Variants in SLC12A5 observed in about 807,000 individuals in gnomAD.
SLC12A5 encodes the protein solute carrier family 12 member 5.
In SLC12A5, 18 loss-of-function variants were observed where a neutral mutation model predicts 124.0. That is an observed-to-expected ratio of 0.15 (90% confidence interval 0.10 to 0.22). The LOEUF is 0.22. SLC12A5 is among the 10% of genes least tolerant of loss of function. The pLI is 1.00. For synonymous variants in SLC12A5, 589 were observed against 568.0 expected, an observed-to-expected ratio of 1.04 and a Z score of -0.53; for missense variants, 867 against 1,478.7, an observed-to-expected ratio of 0.59 and a Z score of 6.78.
Position 46,045,857 on chromosome 20 carries a change from T to C in SLC12A5, c.1570-21T>C. On this transcript the variant is annotated intron_variant, in intron 12 of 25. Coordinates refer to ENST00000243964, the MANE Select transcript of SLC12A5 (RefSeq NM_020708.5). This position sits in a 1 kb window ranked among gnomAD's most constrained non-coding sequence, Gnocchi z 4.9. Reference sequence around the variant, plus strand: ...AGAAATCCTTGAGGTCTCAGTCCCATGATGATTGCTCTTTCCCCAGGTCTT... The same window carrying C: ...AGAAATCCTTGAGGTCTCAGTCCCACGATGATTGCTCTTTCCCCAGGTCTT... The C allele has an allele frequency of 1.2e-6, 2 of 1,606,488 alleles. No individual in the cohort carries two copies. The highest frequency in any genetic ancestry group is 1.7e-6 in the Non-Finnish European group (2 of 1,173,204).
At chr20:46,021,856 C>T (rs898175195) in exon 1 of SLC12A5, 1 of 1,531,568 alleles carries the variant, frequency 6.5e-7, no homozygotes, top group African/African-American at 1.4e-5. Context: ...GGTCGCAGAC[C>T]CCCGCCACCT....
In SLC12A5 at chr20:46,045,147, G is replaced by T; in HGVS notation, c.1569+7G>T. The T allele has an allele frequency of 1.9e-6, 3 of 1,561,772 alleles. No individual in the cohort carries two copies. The highest frequency in any genetic ancestry group is 2.6e-6 in the Non-Finnish European group (3 of 1,155,702). On this transcript the variant is annotated splice_region_variant and intron_variant, in intron 12 of 25. Transcript: ENST00000243964. This position sits in a 1 kb window ranked among gnomAD's most constrained non-coding sequence, Gnocchi z 4.9. ...CATTGTGCCCTTCCTGCAGGTCAGT[G>T]TGGGAGAAGAACAGCCCACCCTCAG...
At chr20:46,033,950 A>AT (rs59189055) in intron 1 of SLC12A5, among the ~76,000 whole-genome samples, 2,130 of 149,228 alleles carry the variant, frequency 0.014, 46 homozygotes, top group African/African-American at 0.048. Context: ...TATTCATGGT[A>AT]TTTTTTTTTT....
At position 46,044,968 on chromosome 20, in the gene SLC12A5, T is replaced by C; in HGVS notation, c.1397T>C (p.Phe466Ser). ...CIEGVVLRDK[F>S]GEAVNGNLVV... ...ATCTCCTGTCCACATCATTCCAGGT[T>C]TGGCGAAGCTGTGAATGGCAACCTC... is the stretch of plus-strand genomic sequence containing the variant. The change falls in exon 12 of 26, where the codon TTT (phenylalanine) becomes TCT (serine). Residue 466 changes from phenylalanine (F) to serine (S), a missense_variant and splice_region_variant. Around this residue, in one of 9 missense-constraint regions of SLC12A5, gnomAD observed 152 missense variants for 358.7 expected, o/e 0.42. Coordinates refer to ENST00000243964, the MANE Select transcript of SLC12A5 (RefSeq NM_020708.5). 1.9e-6 allele frequency: 3 copies of C among 1,614,184 alleles called. No homozygotes were observed. Among genetic ancestry groups the C allele is most frequent in the Non-Finnish European group, 2.5e-6 (3 of 1,180,020 alleles).
intron 7 of SLC12A5, chr20:46,041,117 T>C (rs928251684): frequency 6.4e-5 from 33 of 515,994 alleles, no homozygotes; most frequent in Non-Finnish European, 1.0e-4. Flanking sequence ...ACTAATGCGG[T>C]GCTTCTCCAC....
In SLC12A5 at chr20:46,022,735, C is replaced by G. The variant is rs78823072; in HGVS notation, c.49-195C>G. On this transcript the variant is annotated intron_variant, in intron 1 of 2. Transcript: ENST00000413737. ...GTTGGGGGCGTCTTCCTCGCGGGCCCTGTGCAGGGTCTTGTAATGGAAGTT... is the reference window on the plus strand; with the variant it reads ...GTTGGGGGCGTCTTCCTCGCGGGCCGTGTGCAGGGTCTTGTAATGGAAGTT... 1,673 of 398,430 alleles carry G rather than the reference C, an allele frequency of 4.2e-3. 11 individuals are homozygous for G. The highest frequency in any genetic ancestry group is 4.4e-3 in the Middle Eastern group (7 of 1,588). The allele number at this position is 398,430 out of a possible 1,614,324, so 24.7% of individuals were successfully genotyped here. A position where few individuals can be genotyped will look rare whatever the true frequency, so the allele number is the denominator to read the frequency against.
intron 9 of SLC12A5, 131 bp downstream of exon 9, chr20:46,043,454 T>G: frequency 2.3e-6 from 3 of 1,294,938 alleles, no homozygotes; most frequent in Non-Finnish European, 3.2e-6. Flanking sequence ...CACTTCCCAT[T>G]GGAGAGATGA....
chr20:46,049,899 C>A, intron 17 of SLC12A5, 109 bp downstream of exon 17: 1 of 1,314,754 alleles, frequency 7.6e-7, no homozygotes, highest in Non-Finnish European at 1.0e-6. Flanking sequence ...AAAGGAAGTG[C>A]AGGCATTTCT....
chr20:46,033,314 C>T (rs1380021863), intron 1 of SLC12A5, among the ~76,000 whole-genome samples: 1 of 152,082 alleles, frequency 6.6e-6, no homozygotes, highest in African/African-American at 2.4e-5. Flanking sequence ...GGAATTTGAT[C>T]AGCGGGGAGT....
chr20:46,022,969 G>C (rs1315755285), exon 2 of SLC12A5: 2 of 378,822 alleles, frequency 5.3e-6, no homozygotes, highest in Non-Finnish European at 9.1e-6. Flanking sequence ...GGAGGAGGAG[G>C]AGGAGGAAGA....
In SLC12A5 at chr20:46,057,166, G is replaced by GC. The variant is rs767708918; in HGVS notation, c.3126-3dup. The stretch of plus-strand genomic sequence containing the variant: ...GCGGTCTCCACTCCTCCTTCCTGCC[G>GC]CAGGAACCAGTCCAACGTGCGGCGC... On this transcript the variant is annotated splice_polypyrimidine_tract_variant and splice_region_variant and intron_variant, in intron 24 of 25. Coordinates refer to ENST00000243964, the MANE Select transcript of SLC12A5 (RefSeq NM_020708.5). This position sits in a 1 kb window ranked among gnomAD's most constrained non-coding sequence, Gnocchi z 7.1. 7.0e-5 allele frequency: 113 copies of GC among 1,613,988 alleles called. 1 individual carries two copies. In the African/African-American group the frequency reaches 1.3e-3, roughly 19 times the overall value.
upstream of SLC12A5, among the ~76,000 whole-genome samples, chr20:46,025,487 C>T (rs1003218360): frequency 1.3e-5 from 2 of 152,166 alleles, no homozygotes; most frequent in African/African-American, 4.8e-5. Flanking sequence ...CCTCCTCTCC[C>T]CTCCCCTTTT....
At chr20:46,047,245 G>A (rs1189211321) in intron 14 of SLC12A5, among the ~76,000 whole-genome samples, 1 of 152,178 alleles carries the variant, frequency 6.6e-6, no homozygotes, top group African/African-American at 2.4e-5. Context: ...AGGGCATTGG[G>A]TAGTGCCCTG....
chr20:46,032,597 C>T (rs560514057), intron 1 of SLC12A5, among the ~76,000 whole-genome samples: 17 of 152,342 alleles, frequency 1.1e-4, no homozygotes, highest in African/African-American at 4.1e-4. Flanking sequence ...ATGAGTTAAG[C>T]TTGGTTAGTA....
intron 6 of SLC12A5, among the ~76,000 whole-genome samples, chr20:46,038,583 C>T (rs182182117): frequency 1.3e-5 from 2 of 152,196 alleles, no homozygotes; most frequent in East Asian, 3.9e-4. Context: ...ACTTCCAGAG[C>T]CTTACACAAG....
rs1472803142 is a variant in SLC12A5, at chr20:46,037,328, C to T, written c.555C>T (p.Tyr185=). 1.9e-6 allele frequency: 3 copies of T among 1,613,476 alleles called. No homozygotes were observed. Among genetic ancestry groups the T allele is most frequent in the Non-Finnish European group, 2.5e-6 (3 of 1,179,668 alleles). The change falls in exon 6 of 26, where the codon TAC becomes TAT. Residue 185 remains tyrosine (Y), a synonymous_variant. Transcript: ENST00000243964. ...GGGGTGCCGTGGGCCTCTGCTTCTA[C>T]CTGGGCACTACCTTTGCAGGAGCCA... ...EFGGAVGLCF[Y]LGTTFAGAMY...
chr20:46,049,748 C>A lies in SLC12A5; in HGVS notation c.2139C>A (p.Gly713=). ...GLTIVGSVLE[G]TFLENHPQAQ... ...CCATCGTGGGCTCTGTCCTTGAGGGCACCTTTCTGGAAAATCATCCACAGG... is the reference window on the plus strand; with the variant it reads ...CCATCGTGGGCTCTGTCCTTGAGGGAACCTTTCTGGAAAATCATCCACAGG... The change falls in exon 17 of 26, where the codon GGC becomes GGA. Residue 713 remains glycine (G), a synonymous_variant. Coordinates refer to ENST00000243964, the MANE Select transcript of SLC12A5 (RefSeq NM_020708.5). 2 of 1,602,858 alleles carry A rather than the reference C, an allele frequency of 1.2e-6. No homozygotes were observed. Among genetic ancestry groups the A allele is most frequent in the Non-Finnish European group, 1.7e-6 (2 of 1,175,426 alleles).
In SLC12A5 at chr20:46,057,216, G is replaced by C; in HGVS notation, c.3172G>C (p.Glu1058Gln). The change falls in exon 25 of 26, where the codon GAG becomes CAG. Residue 1058 changes from glutamate (E) to glutamine (Q), a missense_variant. Glu to Gln is a conservative substitution (Grantham distance 29). Transcript: ENST00000243964. This position sits in a 1 kb window ranked among gnomAD's most constrained non-coding sequence, Gnocchi z 7.1. Reference sequence around the variant, plus strand: ...CATGCACACGGCCGTGCGGCTGAACGAGGTCATCGTGAAGAAATCCCGGGA... The same window carrying C: ...CATGCACACGGCCGTGCGGCTGAACCAGGTCATCGTGAAGAAATCCCGGGA... ...RRMHTAVRLN[E>Q]VIVKKSRDAK... is the part of the protein sequence containing the mutation. 1 of 1,614,208 alleles carries C rather than the reference G, an allele frequency of 6.2e-7. No homozygotes were observed. Among genetic ancestry groups the C allele is most frequent in the Non-Finnish European group, 8.5e-7 (1 of 1,180,046 alleles).
rs1337274415 is a variant in SLC12A5 at position 46,045,038 on chromosome 20, C to T, written c.1467C>T (p.Ile489=). 3.7e-6 allele frequency: 6 copies of T among 1,614,020 alleles called. No homozygotes were observed. The highest frequency in any genetic ancestry group is 1.3e-5 in the African/African-American group (1 of 74,942). The part of the protein sequence containing the change: ...LAWPSPWVIV[I]GSFFSTCGAG... Reference sequence around the variant, plus strand: ...GGCCATCTCCATGGGTAATTGTCATCGGATCCTTCTTCTCCACCTGTGGGG... The same window carrying T: ...GGCCATCTCCATGGGTAATTGTCATTGGATCCTTCTTCTCCACCTGTGGGG... The change falls in exon 12 of 26, where the codon ATC becomes ATT. Residue 489 remains isoleucine, a synonymous_variant. Coordinates refer to ENST00000243964, the MANE Select transcript of SLC12A5 (RefSeq NM_020708.5). This position sits in a 1 kb window ranked among gnomAD's most constrained non-coding sequence, Gnocchi z 4.9.
Sources: gnomAD v4.1 joint callset for allele counts (sites outside exome capture counted in the v4.1 genomes callset) on GRCh38, gnomAD v4.1.1 for gene constraint, gnomAD v4.1.1 regional missense constraint, Gnocchi (gnomAD v3.1) non-coding constraint, MANE v1.5 for transcripts, NCBI Gene and HGNC (gene_info 2026-07-23, HGNC 2026-07-21) for gene names.